Variants in LRP1B observed in about 807,000 individuals in gnomAD.
LRP1B encodes low-density lipoprotein receptor-related protein 1B.
In LRP1B, 217 loss-of-function variants were observed where a neutral mutation model predicts 556.6. The ratio of observed to expected loss-of-function variants is 0.39; its 90% CI spans 0.35 to 0.44. The LOEUF is 0.44. Ranked by LOEUF, LRP1B falls within the 20% of genes least tolerant of loss-of-function variation. The probability of loss-of-function intolerance (pLI) is 1.00; values close to 1 mark genes in which losing one functional copy is unlikely to be tolerated. For missense variants in LRP1B, 5,053 were observed against 5,620.8 expected (o/e 0.90, Z 3.23); for synonymous variants, 2,047 against 1,865.8 (o/e 1.10, Z -2.50).
intron 85 of LRP1B, 39 bp downstream of exon 85, chr2:140,274,385 T>C (rs2104951528): frequency 6.4e-7 from 1 of 1,565,842 alleles, no homozygotes; most frequent in Non-Finnish European, 8.8e-7. Context: ...TCCATTGGTG[T>C]CCAAATGCTT....
chr2:141,690,396 A>AATATATATATAT (rs762453747), intron 2 of LRP1B, among the ~76,000 whole-genome samples: 11 of 26,810 alleles, frequency 4.1e-4, no homozygotes, highest in Admixed American at 9.5e-4. Context: ...TACATCTATA[A>AATATATATATAT]ATATATATAT....
chr2:141,639,349 T>TATATATACATACACAC (rs1262198983), intron 2 of LRP1B, among the ~76,000 whole-genome samples: 23 of 56,084 alleles, frequency 4.1e-4, no homozygotes, highest in African/African-American at 1.5e-3. Context: ...TATATATATA[T>TATATATACATACACAC]ACACACACAC....
intron 89 of LRP1B, among the ~76,000 whole-genome samples, chr2:140,237,847 C>T (rs975502776): frequency 6.6e-6 from 1 of 150,610 alleles, no homozygotes; most frequent in African/African-American, 2.4e-5. Flanking sequence ...ATGAGTTTTT[C>T]GTTTGCTTTA....
chr2:141,804,572 T>C (rs894647292), intron 2 of LRP1B, among the ~76,000 whole-genome samples: 8 of 152,192 alleles, frequency 5.3e-5, no homozygotes, highest in African/African-American at 1.4e-4. Flanking sequence ...TTCCCAGCCA[T>C]GTCCTTAGGG....
At chr2:142,002,855 G>A (rs569767220) in intron 1 of LRP1B, among the ~76,000 whole-genome samples, 1 of 152,184 alleles carries the variant, frequency 6.6e-6, no homozygotes, top group South Asian at 2.1e-4. Flanking sequence ...TACATTCTTC[G>A]TCAGGAGGCA....
At chr2:142,019,034 T>C (rs1335088673) in intron 1 of LRP1B, among the ~76,000 whole-genome samples, 4 of 152,214 alleles carry the variant, frequency 2.6e-5, no homozygotes, top group African/African-American at 9.6e-5. Flanking sequence ...AAAAGCTTTA[T>C]TAAAAAGGCT....
At position 140,782,553 on chromosome 2, in the gene LRP1B, A is replaced by G. The variant is rs561089143; in HGVS notation, c.5360-6315T>C. On this transcript the variant is annotated intron_variant, in intron 32 of 90. Coordinates refer to ENST00000389484, the MANE Select transcript of LRP1B (RefSeq NM_018557.3). Reference sequence around the variant, plus strand: ...CGCCTCCAGAACTACCAGAAAACCAACTTCTGTCAAGCCATCCAGTCTGTG... The same window carrying G: ...CGCCTCCAGAACTACCAGAAAACCAGCTTCTGTCAAGCCATCCAGTCTGTG... 4.6e-5 allele frequency among the ~76,000 whole-genome samples: 7 copies of G among 152,282 alleles called. No homozygotes were observed. In the South Asian group the frequency reaches 8.3e-4, roughly 18 times the overall value.
At chr2:140,679,920 TTTTATTTAATTTACTTATTTA>T (rs1419872291) in intron 41 of LRP1B, among the ~76,000 whole-genome samples, 14 of 151,926 alleles carry the variant, frequency 9.2e-5, no homozygotes, top group South Asian at 6.2e-4. Flanking sequence ...TTTATTTACT[TTTTATTTAATTTACTTATTTA>T]TTTATTTAAT....
intron 10 of LRP1B, among the ~76,000 whole-genome samples, chr2:141,050,266 T>A (rs567697356): frequency 1.3e-5 from 2 of 152,044 alleles, no homozygotes; most frequent in African/African-American, 4.8e-5. Context: ...CATTTATATT[T>A]CTTTTCTTGT....
chr2:140,785,650 C>G (rs1412891459), intron 32 of LRP1B, among the ~76,000 whole-genome samples: 1 of 152,106 alleles, frequency 6.6e-6, no homozygotes, highest in Non-Finnish European at 1.5e-5. Context: ...ACCCCCTATA[C>G]CGCCCCAACA....
At chr2:141,776,227 GTGTTAA>G (rs67892326) in intron 2 of LRP1B, among the ~76,000 whole-genome samples, 65,593 of 151,782 alleles carry the variant, frequency 0.43, 15,506 homozygotes, top group Admixed American at 0.54. Flanking sequence ...GGTAACGAAA[GTGTTAA>G]TGTTATATGT....
chr2:140,771,497 G>A (rs13423554), intron 33 of LRP1B, among the ~76,000 whole-genome samples: 89,310 of 151,866 alleles, frequency 0.59, 26,405 homozygotes, highest in East Asian at 0.76. Context: ...TTTAAAAGCA[G>A]GGAAATAAAT....
intron 41 of LRP1B, among the ~76,000 whole-genome samples, chr2:140,613,972 A>C (rs1210219093): frequency 6.6e-6 from 1 of 152,132 alleles, no homozygotes; most frequent in African/African-American, 2.4e-5. Context: ...TTAGAAACAC[A>C]ATCATCAGAA....
chr2:141,231,609 CCCCCACCCCTG>C, intron 5 of LRP1B, among the ~76,000 whole-genome samples: 1 of 143,154 alleles, frequency 7.0e-6, no homozygotes, highest in Non-Finnish European at 1.5e-5. Flanking sequence ...ATTCCCCCCA[CCCCCACCCCTG>C]CCCCGCCCCG....
intron 3 of LRP1B, among the ~76,000 whole-genome samples, chr2:141,319,311 T>TG (rs1212119928): frequency 1.6e-4 from 14 of 88,030 alleles, no homozygotes; most frequent in East Asian, 3.6e-4. Context: ...TTTTTTGTTG[T>TG]TTTTTTTTTT....
chr2:140,272,242 C>T (rs943287109), intron 85 of LRP1B, among the ~76,000 whole-genome samples: 8 of 123,604 alleles, frequency 6.5e-5, no homozygotes, highest in Admixed American at 1.9e-4. Flanking sequence ...AGGCATTCAG[C>T]GTATGTGCAC....
intron 2 of LRP1B, among the ~76,000 whole-genome samples, chr2:141,590,356 G>A (rs970830249): frequency 3.9e-5 from 6 of 152,050 alleles, no homozygotes; most frequent in Admixed American, 2.0e-4. Flanking sequence ...ATTCCTTTGT[G>A]AGACAAAGGC....
intron 21 of LRP1B, among the ~76,000 whole-genome samples, chr2:140,921,780 T>A (rs563353777): frequency 6.6e-6 from 1 of 152,184 alleles, no homozygotes; most frequent in East Asian, 1.9e-4. Flanking sequence ...AGCTTGCATT[T>A]ATTTTTCTTT....
At chr2:141,473,478 T>A (rs1682558523) in intron 3 of LRP1B, among the ~76,000 whole-genome samples, 1 of 152,180 alleles carries the variant, frequency 6.6e-6, no homozygotes, top group Admixed American at 6.5e-5. Flanking sequence ...CAGGTAGTGT[T>A]AAGGGTCATA....
Sources: allele counts gnomAD v4.1 joint callset (sites outside exome capture counted in the v4.1 genomes callset), GRCh38; gene constraint gnomAD v4.1.1; transcripts MANE v1.5; gene names NCBI Gene and HGNC (gene_info 2026-07-23, HGNC 2026-07-21).